GYPC: variants seen among roughly 807,000 people sequenced by gnomAD.
GYPC encodes the protein glycophorin-C.
Under a neutral mutation model 12.6 loss-of-function variants are expected in GYPC, and 14 were observed. The observed-to-expected ratio is 1.11, with a 90% CI of 0.74 to 1.74. The LOEUF is 1.74. Ranked by LOEUF, GYPC falls within the 40% of genes most tolerant of loss-of-function variation. The pLI, the probability that GYPC is intolerant of heterozygous loss-of-function variation, is 0.00. For missense variants in GYPC, 225 were observed against 172.1 expected (o/e 1.31, Z -1.72); for synonymous variants, 78 against 62.1 (o/e 1.26, Z -1.20).
chr2:126,674,608 T>G (rs556370978), intron 1 of GYPC, among the ~76,000 whole-genome samples: 2 of 152,346 alleles, frequency 1.3e-5, no homozygotes, highest in South Asian at 4.1e-4. Flanking sequence ...CAGACTCTAC[T>G]GCTCCCATGT....
intron 1 of GYPC, among the ~76,000 whole-genome samples, chr2:126,673,127 C>T (rs1001957651): frequency 3.9e-5 from 6 of 152,072 alleles, no homozygotes; most frequent in African/African-American, 1.4e-4. Flanking sequence ...CCAGGGAGGG[C>T]AAGTGAGCGA....
chr2:126,669,698 A>G (rs571421863), intron 1 of GYPC, among the ~76,000 whole-genome samples: 4 of 152,314 alleles, frequency 2.6e-5, no homozygotes, highest in African/African-American at 9.6e-5. Flanking sequence ...GAGGAAGTCA[A>G]AATGCCTCTT....
At chr2:126,692,584 T>C (rs1683504234) in intron 2 of GYPC, among the ~76,000 whole-genome samples, 1 of 152,172 alleles carries the variant, frequency 6.6e-6, no homozygotes, top group Non-Finnish European at 1.5e-5. Flanking sequence ...TGTGATCCAA[T>C]AAATCCTTCT....
chr2:126,674,878 C>A (rs528370682), intron 1 of GYPC, among the ~76,000 whole-genome samples: 2 of 152,304 alleles, frequency 1.3e-5, no homozygotes, highest in East Asian at 3.9e-4. Context: ...CTGTTAACCC[C>A]CCAACACATT....
At chr2:126,691,968 G>C (rs774818014) in intron 2 of GYPC, among the ~76,000 whole-genome samples, 1 of 152,100 alleles carries the variant, frequency 6.6e-6, no homozygotes, top group African/African-American at 2.4e-5. Flanking sequence ...GATTGGAAAA[G>C]TCTAGAACCC....
At chr2:126,669,520 A>T (rs1477737880) in intron 1 of GYPC, among the ~76,000 whole-genome samples, 1 of 152,208 alleles carries the variant, frequency 6.6e-6, no homozygotes, top group Non-Finnish European at 1.5e-5. Context: ...TGGTTCAAGC[A>T]GGCTGTCGAG....
intron 3 of GYPC, among the ~76,000 whole-genome samples, chr2:126,694,424 A>G (rs1683581427): frequency 6.6e-6 from 1 of 152,132 alleles, no homozygotes; most frequent in Non-Finnish European, 1.5e-5. Flanking sequence ...TGTGACTGCA[A>G]ACTGTGTTTG....
chr2:126,669,491 A>G (rs1037378888), intron 1 of GYPC, among the ~76,000 whole-genome samples: 2 of 152,132 alleles, frequency 1.3e-5, no homozygotes, highest in African/African-American at 4.8e-5. Flanking sequence ...ATCCTCTCCC[A>G]AAAGGAGGGA....
intron 1 of GYPC, among the ~76,000 whole-genome samples, chr2:126,660,009 G>C (rs1288454150): frequency 1.3e-5 from 2 of 152,130 alleles, no homozygotes; most frequent in Non-Finnish European, 2.9e-5. Context: ...GCTCGGGGGA[G>C]ATAAGCCGCC....
At chr2:126,694,904 G>C (rs1244836092) in intron 3 of GYPC, among the ~76,000 whole-genome samples, 2 of 152,054 alleles carry the variant, frequency 1.3e-5, no homozygotes, top group Admixed American at 6.6e-5. Context: ...TGAGTGATCT[G>C]ACCCCTCCTG....
chr2:126,672,150 C>A (rs565385719), intron 1 of GYPC, among the ~76,000 whole-genome samples: 1 of 152,076 alleles, frequency 6.6e-6, no homozygotes, highest in Admixed American at 6.5e-5. Flanking sequence ...GACCACCTCC[C>A]GGCACCTGTT....
chr2:126,657,575 T>A (rs890523608), intron 1 of GYPC: 15 of 152,196 alleles, frequency 9.9e-5, no homozygotes, highest in African/African-American at 3.6e-4. Context: ...GCACGTAACT[T>A]GAGCATATGT....
chr2:126,665,522 G>A (rs1258656210), intron 1 of GYPC, among the ~76,000 whole-genome samples: 2 of 152,200 alleles, frequency 1.3e-5, no homozygotes, highest in East Asian at 3.9e-4. Context: ...TCACCCAGTG[G>A]CAGCTCGAAG....
At chr2:126,656,340 T>G (rs750710988) in intron 1 of GYPC, 28 bp downstream of exon 1, 3 of 1,565,480 alleles carry the variant, frequency 1.9e-6, no homozygotes, top group Non-Finnish European at 2.6e-6. Context: ...GGAAGGGTCC[T>G]GGGGACCCAC....
chr2:126,682,024 G>T (rs1334058170), intron 1 of GYPC, among the ~76,000 whole-genome samples: 4 of 152,186 alleles, frequency 2.6e-5, no homozygotes, highest in African/African-American at 7.2e-5. Context: ...TCAGGGAGGT[G>T]TCTGGGTGGA....
intron 1 of GYPC, among the ~76,000 whole-genome samples, chr2:126,668,967 G>A (rs1221610226): frequency 6.6e-6 from 1 of 152,240 alleles, no homozygotes; most frequent in Non-Finnish European, 1.5e-5. Context: ...ACTGCGATTA[G>A]TTGCTGAACT....
intron 1 of GYPC, among the ~76,000 whole-genome samples, chr2:126,666,738 CA>C: frequency 6.6e-6 from 1 of 150,702 alleles, no homozygotes; most frequent in South Asian, 2.1e-4. Flanking sequence ...CACACACACA[CA>C]CACACACACA....
chr2:126,675,051 G>C (rs1381785460), intron 1 of GYPC, among the ~76,000 whole-genome samples: 1 of 152,200 alleles, frequency 6.6e-6, no homozygotes, highest in African/African-American at 2.4e-5. Flanking sequence ...AAGGGTCCCA[G>C]ATGATTCCAA....
At chr2:126,683,076 G>T (rs1683191847) in intron 1 of GYPC, among the ~76,000 whole-genome samples, 4 of 152,206 alleles carry the variant, frequency 2.6e-5, no homozygotes, top group East Asian at 3.9e-4. Context: ...CCAACACTTT[G>T]GGAGGCCAAG....
Sources: gnomAD v4.1 joint callset for allele counts (sites outside exome capture counted in the v4.1 genomes callset) on GRCh38, gnomAD v4.1.1 for gene constraint, MANE v1.5 for transcripts, NCBI Gene and HGNC (gene_info 2026-07-23, HGNC 2026-07-21) for gene names.